The following PCDH7 variants were observed in gnomAD, a reference collection of about 807,000 sequenced individuals.
The protein encoded by PCDH7 is protocadherin-7.
A neutral mutation model predicts 58.9 loss-of-function variants in PCDH7; 17 were observed. The observed-to-expected ratio is 0.29, with a 90% CI of 0.20 to 0.43. The LOEUF (loss-of-function observed/expected upper bound fraction) is 0.43, where lower values mean the gene tolerates loss of function less well. Ranked by LOEUF, PCDH7 falls within the 20% of genes least tolerant of loss-of-function variation. The probability of loss-of-function intolerance (pLI) is 1.00; values close to 1 mark genes in which losing one functional copy is unlikely to be tolerated. For synonymous variants in PCDH7, 664 were observed against 616.4 expected (o/e 1.08, Z -1.14); for missense variants, 1,274 against 1,441.0 (o/e 0.88, Z 1.88).
chr4:31,030,426 G>A (rs1754806408), intron 3 of PCDH7, among the ~76,000 whole-genome samples: 1 of 152,014 alleles, frequency 6.6e-6, no homozygotes, highest in Admixed American at 6.6e-5. Flanking sequence ...GACTAGCCAG[G>A]GTTAGCTATA....
At chr4:30,841,717 T>C (rs907230148) in intron 1 of PCDH7, among the ~76,000 whole-genome samples, 1 of 152,048 alleles carries the variant, frequency 6.6e-6, no homozygotes, top group Non-Finnish European at 1.5e-5. Context: ...AATATAAGGA[T>C]ATAAACAAGT....
chr4:30,952,898 T>C (rs1747505026), intron 3 of PCDH7, among the ~76,000 whole-genome samples: 1 of 152,178 alleles, frequency 6.6e-6, no homozygotes, highest in African/African-American at 2.4e-5. Context: ...CAAGTCCAAA[T>C]ATCCCTCTCC....
chr4:30,824,951 C>A (rs910157202), intron 1 of PCDH7, among the ~76,000 whole-genome samples: 4 of 151,892 alleles, frequency 2.6e-5, no homozygotes, highest in African/African-American at 7.3e-5. Context: ...AGGATGAATA[C>A]CCTGACAAAT....
chr4:30,861,696 T>C (rs1382376184), intron 1 of PCDH7, among the ~76,000 whole-genome samples: 1 of 152,200 alleles, frequency 6.6e-6, no homozygotes, highest in African/African-American at 2.4e-5. Flanking sequence ...GCTTTTGTTG[T>C]TGCTCTTTTT....
intron 1 of PCDH7, among the ~76,000 whole-genome samples, chr4:30,848,902 T>C (rs1393204067): frequency 6.6e-6 from 1 of 152,096 alleles, no homozygotes; most frequent in Non-Finnish European, 1.5e-5. Context: ...TTTTCTTTCC[T>C]CAAGACCTAT....
intron 1 of PCDH7, among the ~76,000 whole-genome samples, chr4:30,806,478 CT>C (rs756093040): frequency 6.6e-6 from 1 of 151,674 alleles, no homozygotes; most frequent in Non-Finnish European, 1.5e-5. Flanking sequence ...AAATTTTGTA[CT>C]TTTTTTAGTA....
At chr4:30,960,155 G>GGAAGGA (rs1560535356) in intron 3 of PCDH7, among the ~76,000 whole-genome samples, 3 of 48,952 alleles carry the variant, frequency 6.1e-5, no homozygotes, top group South Asian at 1.1e-3. Flanking sequence ...GGAAGGAAGG[G>GGAAGGA]AGGGAGGGAG....
At chr4:31,099,583 C>G (rs1714628996) in intron 3 of PCDH7, among the ~76,000 whole-genome samples, 1 of 152,154 alleles carries the variant, frequency 6.6e-6, no homozygotes, top group Non-Finnish European at 1.5e-5. Flanking sequence ...TTATTTATTG[C>G]TAACTGTGTC....
At chr4:30,876,493 C>A (rs1283162411) in intron 1 of PCDH7, among the ~76,000 whole-genome samples, 1 of 151,908 alleles carries the variant, frequency 6.6e-6, no homozygotes, top group Non-Finnish European at 1.5e-5. Context: ...AGTACAGATG[C>A]ATTCATTATA....
intron 1 of PCDH7, among the ~76,000 whole-genome samples, chr4:30,894,972 CTTATTA>C (rs1273648846): frequency 1.3e-5 from 2 of 151,622 alleles, no homozygotes; most frequent in East Asian, 1.9e-4. Context: ...ATCAATTATA[CTTATTA>C]TTATTATGTT....
intron 3 of PCDH7, among the ~76,000 whole-genome samples, chr4:31,117,508 C>G (rs1717146841): frequency 6.6e-6 from 1 of 151,924 alleles, no homozygotes; most frequent in Non-Finnish European, 1.5e-5. Flanking sequence ...ATTTATCCCC[C>G]AATTTTTTAT....
rs138963266 is a variant in PCDH7, at chr4:31,105,511, A to T, written c.*8-36962A>T. 4.4e-3 allele frequency among the ~76,000 whole-genome samples: 667 copies of T among 152,238 alleles called. 5 individuals are homozygous for T. The highest frequency in any genetic ancestry group is 5.9e-3 in the Non-Finnish European group (404 of 68,020). ...CCATTATTAGGGCTCTATACCCTGGAGGTGCTTGCTCTAAAGAGTCACTTT... is the reference window on the plus strand; with the variant it reads ...CCATTATTAGGGCTCTATACCCTGGTGGTGCTTGCTCTAAAGAGTCACTTT... On this transcript the variant is annotated intron_variant, in intron 3 of 3. Transcript: ENST00000509759.
At chr4:31,123,966 C>T (rs769525576) in intron 3 of PCDH7, among the ~76,000 whole-genome samples, 1 of 152,158 alleles carries the variant, frequency 6.6e-6, no homozygotes, top group African/African-American at 2.4e-5. Flanking sequence ...CTCCTCTCAA[C>T]GTCCAGATGC....
chr4:30,923,011 CATTT>C (rs1422226172), intron 2 of PCDH7, among the ~76,000 whole-genome samples: 15 of 152,120 alleles, frequency 9.9e-5, no homozygotes, highest in African/African-American at 3.6e-4. Flanking sequence ...GTCAAGTATT[CATTT>C]GTCACATTTA....
At chr4:31,030,147 G>GTGTGTGTGCATA (rs1167776425) in intron 3 of PCDH7, among the ~76,000 whole-genome samples, 1 of 151,918 alleles carries the variant, frequency 6.6e-6, no homozygotes, top group African/African-American at 2.4e-5. Flanking sequence ...GTGTGTGCAT[G>GTGTGTGTGCATA]TGTGTGTGCA....
chr4:30,947,457 G>C (rs1746843496), intron 2 of PCDH7, among the ~76,000 whole-genome samples: 2 of 152,056 alleles, frequency 1.3e-5, no homozygotes, highest in Admixed American at 1.3e-4. Flanking sequence ...AATGCCTCAT[G>C]GGGATGAGGG....
chr4:30,807,688 G>A (rs1387728854), intron 1 of PCDH7, among the ~76,000 whole-genome samples: 2 of 151,794 alleles, frequency 1.3e-5, no homozygotes, highest in African/African-American at 2.4e-5. Context: ...TTCTGGTTGC[G>A]TTTTTAAAGA....
intron 1 of PCDH7, among the ~76,000 whole-genome samples, chr4:30,891,053 A>G (rs1738541436): frequency 6.6e-6 from 1 of 152,094 alleles, no homozygotes; most frequent in African/African-American, 2.4e-5. Flanking sequence ...TATGGTTTGT[A>G]CATTCTCTAT....
chr4:30,887,409 C>G (rs1737967599), intron 1 of PCDH7, among the ~76,000 whole-genome samples: 1 of 151,996 alleles, frequency 6.6e-6, no homozygotes, highest in Non-Finnish European at 1.5e-5. Context: ...TCTTTATATC[C>G]TAAGAGTTCA....
Sources: gnomAD v4.1 joint callset for allele counts (sites outside exome capture counted in the v4.1 genomes callset) on GRCh38, gnomAD v4.1.1 for gene constraint, MANE v1.5 for transcripts, NCBI Gene and HGNC (gene_info 2026-07-23, HGNC 2026-07-21) for gene names.